MRPL3: variants seen among roughly 807,000 people sequenced by gnomAD.
MRPL3 encodes the protein mitochondrial ribosomal protein L3.
Under a neutral mutation model 44.3 loss-of-function variants are expected in MRPL3, and 43 were observed. That is an observed-to-expected ratio of 0.97 (90% CI 0.76 to 1.25). MRPL3 has a LOEUF of 1.25. MRPL3 is among the 50% of genes most tolerant of loss of function. The probability of loss-of-function intolerance (pLI) is 0.00; values close to 1 mark genes in which losing one functional copy is unlikely to be tolerated. For synonymous variants in MRPL3, 171 were observed against 152.3 expected (o/e 1.12, Z -0.91); for missense variants, 406 against 427.6 (o/e 0.95, Z 0.45).
In MRPL3 at chr3:131,462,880, G is replaced by C. The variant is rs778104029; in HGVS notation, c.895-5C>G. The C allele has an allele frequency of 1.2e-6, 2 of 1,601,216 alleles. No homozygotes were observed. Among genetic ancestry groups the C allele is most frequent in the Admixed American group, 3.4e-5 (2 of 58,950 alleles). On this transcript the variant is annotated splice_polypyrimidine_tract_variant and splice_region_variant and intron_variant, in intron 9 of 9. Coordinates refer to ENST00000264995, the MANE Select transcript of MRPL3 (RefSeq NM_007208.4). ...AGGCAGTTTAGAATCTTTGACCTGA[G>C]AGAAGGCAAAAATCTTAGTGAAACC...
chr3:131,486,699 A>T lies in MRPL3; in HGVS notation c.629+981T>A, dbSNP rs577215488. Among the ~76,000 whole-genome samples the T allele has an allele frequency of 3.3e-5, 5 of 152,334 alleles. No individual in the cohort carries two copies. In the South Asian group the frequency reaches 6.2e-4, roughly 19 times the overall value. On this transcript the variant is annotated intron_variant, in intron 6 of 9. Coordinates refer to ENST00000264995, the MANE Select transcript of MRPL3 (RefSeq NM_007208.4). The stretch of plus-strand genomic sequence containing the variant: ...GAAGACAACTATGCAGCCAACAGAC[A>T]CATGAAAAAATGCTCATCACCGGTC...
intron 6 of MRPL3, among the ~76,000 whole-genome samples, chr3:131,484,485 C>G (rs1934068591): frequency 6.6e-6 from 1 of 152,106 alleles, no homozygotes; most frequent in Admixed American, 6.5e-5. Context: ...ATATTGTTCC[C>G]CTAGTGTTCA....
At chr3:131,465,472 ATGT>A (rs1291163624) in intron 9 of MRPL3, among the ~76,000 whole-genome samples, 1 of 152,186 alleles carries the variant, frequency 6.6e-6, no homozygotes, top group African/African-American at 2.4e-5. Flanking sequence ...ACTTGAGAAG[ATGT>A]TGTAGTAGTA....
intron 6 of MRPL3, among the ~76,000 whole-genome samples, chr3:131,474,307 T>G (rs1054188246): frequency 3.3e-5 from 5 of 152,114 alleles, no homozygotes; most frequent in African/African-American, 1.2e-4. Context: ...AGACAAATAA[T>G]GTATGATCTC....
In MRPL3 at chr3:131,502,714, C is replaced by G; in HGVS notation, c.92+16G>C. 2 of 1,600,874 alleles carry G rather than the reference C, an allele frequency of 1.2e-6. No homozygotes were observed. The highest frequency in any genetic ancestry group is 1.7e-6 in the Non-Finnish European group (2 of 1,171,402). On this transcript the variant is annotated intron_variant, in intron 1 of 9. Coordinates refer to ENST00000264995, the MANE Select transcript of MRPL3 (RefSeq NM_007208.4). ...GGACGCAACTGTGCAGGTAGGACACCCTCACACCTTCCTACCTGTTCCCCG... is the reference window on the plus strand; with the variant it reads ...GGACGCAACTGTGCAGGTAGGACACGCTCACACCTTCCTACCTGTTCCCCG...
chr3:131,467,983 G>A, intron 9 of MRPL3, 108 bp downstream of exon 9: 1 of 539,478 alleles, frequency 1.9e-6, no homozygotes, highest in Non-Finnish European at 3.1e-6. Flanking sequence ...AGACTTTATG[G>A]CAAATATCCA....
At chr3:131,495,559 C>T (rs914552358) in intron 4 of MRPL3, among the ~76,000 whole-genome samples, 3 of 152,102 alleles carry the variant, frequency 2.0e-5, no homozygotes, top group Non-Finnish European at 2.9e-5. Context: ...AACACAACAT[C>T]CAAATCACCC....
intron 9 of MRPL3, among the ~76,000 whole-genome samples, chr3:131,464,291 T>G (rs968804042): frequency 6.6e-6 from 1 of 152,190 alleles, no homozygotes; most frequent in Non-Finnish European, 1.5e-5. Context: ...ATAGAACTAT[T>G]ATACCTGAGA....
At chr3:131,474,787 A>G (rs1186592818) in intron 6 of MRPL3, among the ~76,000 whole-genome samples, 4 of 142,020 alleles carry the variant, frequency 2.8e-5, no homozygotes, top group African/African-American at 1.1e-4. Context: ...TTTTTTTTTT[A>G]AAGAGACAGG....
chr3:131,475,345 T>A (rs941165885), intron 6 of MRPL3, among the ~76,000 whole-genome samples: 2 of 152,148 alleles, frequency 1.3e-5, no homozygotes, highest in Non-Finnish European at 2.9e-5. Context: ...TTGTTTTCAA[T>A]ACATCAAAAA....
At chr3:131,494,936 C>A (rs527787077) in intron 4 of MRPL3, among the ~76,000 whole-genome samples, 33 of 152,234 alleles carry the variant, frequency 2.2e-4, no homozygotes, top group Non-Finnish European at 3.7e-4. Context: ...CTGCAATTAT[C>A]CTTCCCACAA....
chr3:131,492,466 T>G (rs1409652219), intron 4 of MRPL3, among the ~76,000 whole-genome samples: 1 of 152,128 alleles, frequency 6.6e-6, no homozygotes, highest in Non-Finnish European at 1.5e-5. Context: ...CTGTTCCACC[T>G]CAGATTATCA....
intron 1 of MRPL3, 92 bp downstream of exon 1, chr3:131,502,638 C>T: frequency 9.8e-7 from 1 of 1,023,466 alleles, no homozygotes; most frequent in South Asian, 1.6e-5. Flanking sequence ...AGAGCCCCTT[C>T]CTCCTCCACC....
Position 131,468,119 on chromosome 3 carries a change from A to G in MRPL3, c.866T>C (p.Val289Ala), listed in dbSNP as rs371954784. The change falls in exon 9 of 10, where the codon GTA (valine) becomes GCA (alanine). Residue 289 changes from valine (V) to alanine (A), a missense_variant. Physicochemically the swap from Val to Ala is moderately conservative, Grantham distance 64 (BLOSUM62 0). Coordinates refer to ENST00000264995, the MANE Select transcript of MRPL3 (RefSeq NM_007208.4). ...KHNIIYVNGS[V>A]PGHKNCLVKV... The stretch of plus-strand genomic sequence containing the variant: ...TACTAAGCAATTTTTATGTCCAGGT[A>G]CAGAGCCATTTACATAGATTATGTT... 9 of 1,593,940 alleles carry G rather than the reference A, an allele frequency of 5.6e-6. No homozygotes were observed. Among genetic ancestry groups the G allele is most frequent in the Non-Finnish European group, 7.7e-6 (9 of 1,172,144 alleles).
chr3:131,493,970 G>C, intron 4 of MRPL3, among the ~76,000 whole-genome samples: 1 of 152,186 alleles, frequency 6.6e-6, no homozygotes, highest in Non-Finnish European at 1.5e-5. Flanking sequence ...GCAAACTTTA[G>C]TTACTTGTTC....
chr3:131,467,482 T>C (rs1186899339), intron 9 of MRPL3, among the ~76,000 whole-genome samples: 1 of 152,100 alleles, frequency 6.6e-6, no homozygotes, highest in Non-Finnish European at 1.5e-5. Flanking sequence ...TAATCCCCAA[T>C]GTTAGAAGAG....
intron 6 of MRPL3, among the ~76,000 whole-genome samples, chr3:131,485,460 C>T (rs146061502): frequency 6.6e-6 from 1 of 152,232 alleles, no homozygotes; most frequent in African/African-American, 2.4e-5. Flanking sequence ...ATTTTATATG[C>T]AATAATTCAA....
intron 9 of MRPL3, 68 bp downstream of exon 9, chr3:131,468,023 T>A: frequency 7.5e-6 from 6 of 797,284 alleles, no homozygotes; most frequent in Non-Finnish European, 9.6e-6. Context: ...ATAAAGATAG[T>A]AATTTGTTAG....
intron 4 of MRPL3, among the ~76,000 whole-genome samples, chr3:131,493,294 T>C (rs971919872): frequency 2.6e-5 from 4 of 152,200 alleles, no homozygotes; most frequent in African/African-American, 9.6e-5. Context: ...GAAATATAAG[T>C]ACATGTCTCT....
Sources: allele counts gnomAD v4.1 joint callset (sites outside exome capture counted in the v4.1 genomes callset), GRCh38; gene constraint gnomAD v4.1.1; transcripts MANE v1.5; gene names NCBI Gene and HGNC (gene_info 2026-07-23, HGNC 2026-07-21).